The following IFT88 variants were observed in gnomAD, a reference collection of about 807,000 sequenced individuals.
The protein encoded by IFT88 is intraflagellar transport 88.
Under a neutral mutation model 119.5 loss-of-function variants are expected in IFT88, and 74 were observed. That is an observed-to-expected ratio of 0.62 (90% CI 0.51 to 0.75). The LOEUF (loss-of-function observed/expected upper bound fraction) is 0.75, where lower values mean the gene tolerates loss of function less well. Ranked by LOEUF, IFT88 falls within the 30% of genes least tolerant of loss-of-function variation. The pLI, the probability that IFT88 is intolerant of heterozygous loss-of-function variation, is 0.00. For synonymous variants in IFT88, 279 were observed against 316.7 expected (o/e 0.88, Z 1.26); for missense variants, 961 against 977.7 (o/e 0.98, Z 0.23).
intron 22 of IFT88, 64 bp downstream of exon 22, chr13:20,656,494 T>C: frequency 1.4e-6 from 1 of 699,168 alleles, no homozygotes; most frequent in Non-Finnish European, 2.4e-6. Flanking sequence ...TTCTAATATA[T>C]AATTACCTTT....
In IFT88 at chr13:20,605,099, G is replaced by A. The variant is rs187354596; in HGVS notation, c.1106G>A (p.Arg369His). ...IKNDHLRQME[R>H]ERKAMAEKYI... The stretch of plus-strand genomic sequence containing the variant: ...AATGATCACCTCAGGCAAATGGAAC[G>A]TGAAAGGTAATATTTTAAACTTAAT... Residue 369 changes from arginine (R) to histidine (H), a missense_variant, in exon 13 of 26, where the codon CGT becomes CAT. Physicochemically the swap from Arg to His is conservative, Grantham distance 29. Transcript: ENST00000351808. The A allele has an allele frequency of 6.2e-5, 87 of 1,404,218 alleles. No individual in the cohort carries two copies. The highest frequency in any genetic ancestry group is 1.9e-4 in the Middle Eastern group (1 of 5,376). 87.0% of individuals were successfully genotyped at this position (1,404,218 alleles called of 1,614,324 possible).
At chr13:20,669,685 A>G (rs1346291273) in intron 23 of IFT88, among the ~76,000 whole-genome samples, 2 of 152,002 alleles carry the variant, frequency 1.3e-5, no homozygotes, top group Non-Finnish European at 2.9e-5. Flanking sequence ...CGGCCTCCCA[A>G]AGTGCTAGGA....
At chr13:20,651,511 G>A (rs1409916141) in intron 20 of IFT88, among the ~76,000 whole-genome samples, 2 of 150,180 alleles carry the variant, frequency 1.3e-5, no homozygotes, top group East Asian at 3.9e-4. Flanking sequence ...ATTTATAGTA[G>A]CGAAAAGGTA....
intron 24 of IFT88, among the ~76,000 whole-genome samples, chr13:20,679,248 G>T (rs1297097173): frequency 6.6e-6 from 1 of 152,160 alleles, no homozygotes; most frequent in Non-Finnish European, 1.5e-5. Flanking sequence ...TCATTGATTT[G>T]ATTAGCTAGT....
chr13:20,603,332 A>G (rs956418792), intron 12 of IFT88, among the ~76,000 whole-genome samples: 1 of 150,802 alleles, frequency 6.6e-6, no homozygotes, highest in Non-Finnish European at 1.5e-5. Flanking sequence ...AGGTTGCAGG[A>G]GCCGAGATCG....
At chr13:20,622,736 C>T (rs919237970) in intron 14 of IFT88, among the ~76,000 whole-genome samples, 3 of 152,076 alleles carry the variant, frequency 2.0e-5, no homozygotes, top group Non-Finnish European at 4.4e-5. Flanking sequence ...AATCCATTAT[C>T]AGATGCATGA....
At chr13:20,583,095 C>T in intron 3 of IFT88, 76 bp downstream of exon 3, 1 of 791,704 alleles carries the variant, frequency 1.3e-6, no homozygotes. Flanking sequence ...CCATTTTCAC[C>T]TGTATATTCC....
chr13:20,582,815 G>C (rs1042462385), intron 2 of IFT88, 142 bp from the exon 3 acceptor site: 18 of 594,250 alleles, frequency 3.0e-5, no homozygotes, highest in Non-Finnish European at 4.5e-5. Context: ...GAAGTGGGGA[G>C]ATTTGAGGTA....
intron 15 of IFT88, 54 bp downstream of exon 15, chr13:20,625,903 A>G: frequency 1.2e-6 from 1 of 845,058 alleles, no homozygotes; most frequent in Non-Finnish European, 1.9e-6. Context: ...TGGTCAAAGC[A>G]TTAAAAACAG....
At chr13:20,649,947 C>T (rs2051348801) in intron 20 of IFT88, among the ~76,000 whole-genome samples, 1 of 152,046 alleles carries the variant, frequency 6.6e-6, no homozygotes, top group African/African-American at 2.4e-5. Context: ...TAAAAATCTG[C>T]ATAGACCTAT....
chr13:20,643,599 C>A lies in IFT88; in HGVS notation c.1827C>A (p.Tyr609Ter). Residue 609 changes from tyrosine (Y) to a stop codon, truncating the protein, a stop_gained, in exon 19 of 26, where the codon TAC becomes TAA. Coordinates refer to ENST00000351808, the MANE Select transcript of IFT88 (RefSeq NM_006531.5). LOFTEE classifies it high-confidence loss of function. ...ATAAATCTCAAGCATTTCAATATTA[C>A]TATGAGGTAGGTGTGTTATCTTAAT... is the stretch of plus-strand genomic sequence containing the variant. ...EGDKSQAFQY[Y>*]YESYRYFPCN... The A allele has an allele frequency of 6.3e-7, 1 of 1,594,890 alleles. No individual in the cohort carries two copies. Among genetic ancestry groups the A allele is most frequent in the Admixed American group, 1.7e-5 (1 of 57,748 alleles).
chr13:20,599,445 A>G lies in IFT88; in HGVS notation c.698-6A>G, dbSNP rs2042256808. 1.9e-6 allele frequency: 2 copies of G among 1,058,782 alleles called. No homozygotes were observed. The highest frequency in any genetic ancestry group is 2.8e-6 in the Non-Finnish European group (2 of 707,812). 65.6% of individuals were successfully genotyped at this position (1,058,782 alleles called of 1,614,324 possible). A position where few individuals can be genotyped will look rare whatever the true frequency, so the allele number is the denominator to read the frequency against. ...ATTATACATTCATTAAATTTTTTTAAATTAGGAATATTGAAAATGAATATG... is the reference window on the plus strand; with the variant it reads ...ATTATACATTCATTAAATTTTTTTAGATTAGGAATATTGAAAATGAATATG... On this transcript the variant is annotated splice_region_variant and splice_polypyrimidine_tract_variant and intron_variant, in intron 10 of 25. Transcript: ENST00000351808.
rs2040822815 is a variant in IFT88, at chr13:20,592,355, A to G, written c.349A>G (p.Ser117Gly). 6.3e-7 allele frequency: 1 copy of G among 1,596,388 alleles called. No homozygotes were observed. The highest frequency in any genetic ancestry group is 1.1e-5 in the South Asian group (1 of 90,166). The change falls in exon 7 of 26, where the codon AGT becomes GGT. Residue 117 changes from serine to glycine, a missense_variant. Physicochemically the swap from Ser to Gly is moderately conservative, Grantham distance 56. Transcript: ENST00000351808. ...ALRGSAFDPL[S>G]QSRGPASPLE... ...CTCAGGCTCTGCATTTGACCCCCTTAGTCAGTCAAGGGGCCCTGCTTCCCC... is the reference window on the plus strand; with the variant it reads ...CTCAGGCTCTGCATTTGACCCCCTTGGTCAGTCAAGGGGCCCTGCTTCCCC...
intron 23 of IFT88, among the ~76,000 whole-genome samples, chr13:20,667,385 A>G (rs761341546): frequency 3.9e-5 from 6 of 152,098 alleles, no homozygotes; most frequent in Non-Finnish European, 7.4e-5. Flanking sequence ...GGTGGGTTGC[A>G]TGTCAGATGA....
chr13:20,686,630 G>T (rs1334479358), intron 24 of IFT88, among the ~76,000 whole-genome samples: 1 of 146,662 alleles, frequency 6.8e-6, no homozygotes, highest in Non-Finnish European at 1.5e-5. Flanking sequence ...CAAAATCATT[G>T]TATTTAAATA....
intron 24 of IFT88, among the ~76,000 whole-genome samples, chr13:20,673,922 A>G (rs1294575543): frequency 6.6e-6 from 1 of 152,166 alleles, no homozygotes; most frequent in African/African-American, 2.4e-5. Context: ...TTCTTCTGGC[A>G]CAAATTTAAA....
intron 24 of IFT88, among the ~76,000 whole-genome samples, chr13:20,681,026 C>T (rs73433384): frequency 1.3e-3 from 201 of 152,354 alleles, no homozygotes; most frequent in African/African-American, 4.3e-3. Flanking sequence ...CCTATAATCA[C>T]TGTCCCTGTT....
intron 20 of IFT88, among the ~76,000 whole-genome samples, chr13:20,646,363 C>T (rs748776994): frequency 1.5e-4 from 23 of 150,260 alleles, no homozygotes; most frequent in African/African-American, 5.4e-4. Context: ...AGTGCAGTGG[C>T]GTGATCCCGG....
At chr13:20,624,359 C>G (rs2046988003) in intron 14 of IFT88, among the ~76,000 whole-genome samples, 1 of 152,094 alleles carries the variant, frequency 6.6e-6, no homozygotes, top group Admixed American at 6.6e-5. Flanking sequence ...CCTCTAGGAA[C>G]CTACACGTGT....
Sources: allele counts gnomAD v4.1 joint callset (sites outside exome capture counted in the v4.1 genomes callset), GRCh38; gene constraint gnomAD v4.1.1; transcripts MANE v1.5; gene names NCBI Gene and HGNC (gene_info 2026-07-23, HGNC 2026-07-21).